The following LINGO2 variants were observed in gnomAD, a reference collection of about 807,000 sequenced individuals.
LINGO2 encodes leucine rich repeat and Ig domain containing 2, also known as leucine-rich repeat and immunoglobulin-like domain-containing nogo receptor-interacting protein 2.
LINGO2 carries 14 observed loss-of-function variants against 30.6 expected under a neutral mutation model. That is an observed-to-expected ratio of 0.46 (90% CI 0.30 to 0.72). LINGO2 has a LOEUF of 0.72. Ranked by LOEUF, LINGO2 falls within the 30% of genes least tolerant of loss-of-function variation. The pLI is 0.07. For missense variants in LINGO2, 729 were observed against 751.7 expected (o/e 0.97, Z 0.35); for synonymous variants, 317 against 288.5 (o/e 1.10, Z -1.00).
At chr9:28,751,272 C>T in the LINGO2 span, among the ~76,000 whole-genome samples, 4 of 91,494 alleles carry the variant, frequency 4.4e-5, no homozygotes, top group Non-Finnish European at 6.2e-5. Context: ...ATCTGGGTAA[C>T]GAAGCAAGAT....
the LINGO2 span, among the ~76,000 whole-genome samples, chr9:28,735,104 T>C: frequency 6.6e-6 from 1 of 152,186 alleles, no homozygotes; most frequent in African/African-American, 2.4e-5. Context: ...TCAAGATTTA[T>C]ACTCTTTCTA....
intron 4 of LINGO2, among the ~76,000 whole-genome samples, chr9:28,051,498 A>G (rs1401301145): frequency 1.3e-5 from 2 of 152,104 alleles, no homozygotes; most frequent in African/African-American, 2.4e-5. Flanking sequence ...ATATTTATCC[A>G]AAAAATTTAT....
At chr9:28,923,055 G>GA in the LINGO2 span, among the ~76,000 whole-genome samples, 1 of 152,198 alleles carries the variant, frequency 6.6e-6, no homozygotes, top group Non-Finnish European at 1.5e-5. Context: ...GCCAAGGAAT[G>GA]AAAGAAATGC....
intron 4 of LINGO2, among the ~76,000 whole-genome samples, chr9:28,105,115 G>A (rs953662806): frequency 1.3e-5 from 2 of 152,140 alleles, no homozygotes; most frequent in African/African-American, 2.4e-5. Flanking sequence ...TGCAGTAATA[G>A]ACATCTAGAG....
At chr9:28,902,795 ATAAAT>A in the LINGO2 span, among the ~76,000 whole-genome samples, 1 of 152,118 alleles carries the variant, frequency 6.6e-6, no homozygotes, top group Non-Finnish European at 1.5e-5. Context: ...GAGTCAACAA[ATAAAT>A]TAAAAGAGAT....
intron 1 of LINGO2, among the ~76,000 whole-genome samples, chr9:28,552,301 G>C (rs1157176764): frequency 3.3e-5 from 5 of 151,794 alleles, no homozygotes; most frequent in African/African-American, 7.3e-5. Flanking sequence ...CCTCTTTCTT[G>C]GTTTACCAGC....
the LINGO2 span, among the ~76,000 whole-genome samples, chr9:28,814,325 C>T: frequency 1 from 152,124 of 152,208 alleles, 76,020 homozygotes; most frequent in Non-Finnish European, 1. Flanking sequence ...TAGTCCCAGC[C>T]ACTTGGGAGG....
chr9:28,461,191 C>G (rs1350285240), intron 2 of LINGO2, among the ~76,000 whole-genome samples: 1 of 151,964 alleles, frequency 6.6e-6, no homozygotes, highest in African/African-American at 2.4e-5. Flanking sequence ...TAAAGGAATA[C>G]AAATCAAAAT....
At chr9:28,740,281 G>A in the LINGO2 span, among the ~76,000 whole-genome samples, 9 of 151,494 alleles carry the variant, frequency 5.9e-5, no homozygotes, top group East Asian at 1.7e-3. Flanking sequence ...TGTCTGTGGT[G>A]TTCATGTTTC....
the LINGO2 span, among the ~76,000 whole-genome samples, chr9:29,130,210 C>T: frequency 1.3e-5 from 2 of 152,200 alleles, no homozygotes; most frequent in Non-Finnish European, 2.9e-5. Flanking sequence ...TTTGCTAGTA[C>T]TAATAGACAC....
the LINGO2 span, among the ~76,000 whole-genome samples, chr9:29,176,126 C>T: frequency 3.6e-3 from 547 of 152,256 alleles, 1 homozygote; most frequent in Non-Finnish European, 6.0e-3. Flanking sequence ...AACATATTAT[C>T]ACATTTCATA....
intron 1 of LINGO2, among the ~76,000 whole-genome samples, chr9:28,632,272 A>C (rs560495584): frequency 6.6e-4 from 101 of 152,228 alleles, no homozygotes; most frequent in Non-Finnish European, 1.3e-3. Context: ...AATCAAATAT[A>C]AAAATGGAAA....
chr9:28,052,815 G>A lies in LINGO2; in HGVS notation c.-86-40410C>T, dbSNP rs72724955. 6.0e-3 allele frequency among the ~76,000 whole-genome samples: 906 copies of A among 152,080 alleles called. 1 individual carries two copies. Among genetic ancestry groups the A allele is most frequent in the Non-Finnish European group, 9.9e-3 (674 of 67,986 alleles). ...AAGTACATGACATTTGGCATCAAAG[G>A]GTTTTCTTACAAGGGAAGTAATCAT... On this transcript the variant is annotated intron_variant, in intron 4 of 5. Coordinates refer to ENST00000379992, the Ensembl canonical transcript of LINGO2.
the LINGO2 span, among the ~76,000 whole-genome samples, chr9:29,081,383 C>A: frequency 6.6e-6 from 1 of 152,012 alleles, no homozygotes; most frequent in Non-Finnish European, 1.5e-5. Context: ...ATTCAACAGC[C>A]CTTCATGCTA....
At chr9:28,446,004 A>G (rs1196316646) in intron 2 of LINGO2, among the ~76,000 whole-genome samples, 1 of 152,246 alleles carries the variant, frequency 6.6e-6, no homozygotes, top group African/African-American at 2.4e-5. Flanking sequence ...GAGGATATAT[A>G]TCACAATTTT....
intron 4 of LINGO2, among the ~76,000 whole-genome samples, chr9:28,248,634 C>T (rs1822088476): frequency 6.6e-6 from 1 of 152,118 alleles, no homozygotes; most frequent in African/African-American, 2.4e-5. Context: ...TTGTTTGTAA[C>T]ACAAAAGATA....
At chr9:28,257,425 C>G (rs1205044875) in intron 4 of LINGO2, among the ~76,000 whole-genome samples, 1 of 151,776 alleles carries the variant, frequency 6.6e-6, no homozygotes, top group African/African-American at 2.4e-5. Flanking sequence ...AGAAAGGACT[C>G]TTTGTGATTT....
intron 4 of LINGO2, among the ~76,000 whole-genome samples, chr9:28,256,456 C>T (rs968346559): frequency 5.9e-5 from 9 of 151,796 alleles, no homozygotes; most frequent in African/African-American, 2.2e-4. Flanking sequence ...TTCTGCTACC[C>T]TCGTAGGTTT....
intron 4 of LINGO2, among the ~76,000 whole-genome samples, chr9:28,290,682 T>C (rs983913168): frequency 1.1e-4 from 16 of 152,064 alleles, no homozygotes; most frequent in African/African-American, 2.9e-4. Context: ...AAGGAAGCAA[T>C]CATGAGGAGT....
Sources: gnomAD v4.1 joint callset for allele counts (sites outside exome capture counted in the v4.1 genomes callset) on GRCh38, gnomAD v4.1.1 for gene constraint, MANE v1.5 for transcripts, NCBI Gene and HGNC (gene_info 2026-07-23, HGNC 2026-07-21) for gene names.